The following KDELR3 variants were observed in gnomAD, a reference collection of about 807,000 sequenced individuals.
KDELR3 encodes the protein KDEL endoplasmic reticulum protein retention receptor 3.
KDELR3 carries 26 observed loss-of-function variants against 22.7 expected under a neutral mutation model. The ratio of observed to expected loss-of-function variants is 1.15; its 90% CI spans 0.84 to 1.59. The LOEUF is 1.59. Among genes scored for constraint, KDELR3 ranks in the 40% most tolerant of loss-of-function variants. The pLI is 0.00. For missense variants in KDELR3, 289 were observed against 251.1 expected (o/e 1.15, Z -1.02); for synonymous variants, 120 against 98.2 (o/e 1.22, Z -1.31).
intron 3 of KDELR3, 116 bp from the exon 4 acceptor site, chr22:38,481,096 T>A (rs1294564750): frequency 4.4e-6 from 4 of 905,924 alleles, no homozygotes; most frequent in Non-Finnish European, 6.8e-6. Context: ...TATTGAGAAC[T>A]TTTTCCCTCC....
chr22:38,477,226 GAC>G (rs947026356), intron 2 of KDELR3, among the ~76,000 whole-genome samples: 54 of 141,748 alleles, frequency 3.8e-4, no homozygotes, highest in African/African-American at 1.4e-3. Context: ...TTTATTTTGA[GAC>G]AGTCTCCCTC....
At chr22:38,475,079 C>CA (rs1018109138) in intron 2 of KDELR3, among the ~76,000 whole-genome samples, 636 of 20,354 alleles carry the variant, frequency 0.031, 89 homozygotes, top group Non-Finnish European at 0.04. Context: ...GACTCTGTCT[C>CA]AAAAAAAAAA....
At chr22:38,477,345 CAGG>C (rs1453010366) in intron 2 of KDELR3, among the ~76,000 whole-genome samples, 3 of 151,880 alleles carry the variant, frequency 2.0e-5, no homozygotes, top group Admixed American at 1.3e-4. Flanking sequence ...GCTGGGATTA[CAGG>C]TGCACACCAC....
intron 4 of KDELR3, chr22:38,481,710 G>C: frequency 7.8e-7 from 1 of 1,283,952 alleles, no homozygotes; most frequent in Non-Finnish European, 1.0e-6. Context: ...TTGGTTAGTA[G>C]TGAAAAACAT....
rs756878248 is a variant in KDELR3, at chr22:38,479,770, T to C, written c.351+19T>C. The C allele has an allele frequency of 5.0e-6, 8 of 1,612,510 alleles. No individual in the cohort carries two copies. Among genetic ancestry groups the C allele is most frequent in the Non-Finnish European group, 6.8e-6 (8 of 1,178,726 alleles). ...GCTGGAGGTAAGGGAATGGACTGAG[T>C]ACCAGTTCTCAAAGGGAAATATGCT... On this transcript the variant is annotated intron_variant, in intron 3 of 4. Transcript: ENST00000216014.
rs2089501886 is a variant in KDELR3, at chr22:38,468,467, C to G, written c.91+143C>G. On this transcript the variant is annotated intron_variant, in intron 1 of 4. Transcript: ENST00000216014. Reference sequence around the variant, plus strand: ...CTTGAAACTTTGCGGAGCTCCACTTCCAAAAACAATGTAAAGTTGTATAAA... The same window carrying G: ...CTTGAAACTTTGCGGAGCTCCACTTGCAAAAACAATGTAAAGTTGTATAAA... 6.3e-6 allele frequency: 4 copies of G among 635,184 alleles called. No homozygotes were observed. The African/African-American group carries it at 7.3e-5, about 12-fold the overall frequency. The allele number at this position is 635,184 out of a possible 1,614,324, so 39.3% of individuals were successfully genotyped here.
intron 2 of KDELR3, among the ~76,000 whole-genome samples, 171 bp downstream of exon 2, chr22:38,474,794 C>T (rs978646082): frequency 6.6e-6 from 1 of 151,990 alleles, no homozygotes; most frequent in Non-Finnish European, 1.5e-5. Context: ...TGTCAGTGTC[C>T]TCGTGCAAAA....
At chr22:38,476,891 C>T (rs368102666) in intron 2 of KDELR3, among the ~76,000 whole-genome samples, 3,364 of 6,890 alleles carry the variant, frequency 0.49, 60 homozygotes, top group Middle Eastern at 0.54. Context: ...ACTGCAGTCT[C>T]TGCTCCCGGG....
In KDELR3 at chr22:38,468,245, C is replaced by A; in HGVS notation, c.12C>A (p.Phe4Leu). 1 of 1,613,818 alleles carries A rather than the reference C, an allele frequency of 6.2e-7. No homozygotes were observed. Among genetic ancestry groups the A allele is most frequent in the Non-Finnish European group, 8.5e-7 (1 of 1,179,934 alleles). The change falls in exon 1 of 5, where the codon TTC becomes TTA. Residue 4 changes from phenylalanine (F) to leucine (L), a missense_variant. Physicochemically the swap from Phe to Leu is conservative, Grantham distance 22. Transcript: ENST00000216014. MNV[F>L]RILGDLSHLL... is the part of the protein sequence containing the mutation. ...TGACTGGCTGGACCATGAACGTGTT[C>A]CGAATCCTCGGCGACCTGAGCCACC...
chr22:38,482,821 T>G lies in KDELR3; in HGVS notation c.*285T>G. On this transcript the variant is annotated 3_prime_UTR_variant, in exon 5 of 5. Transcript: ENST00000216014. Reference sequence around the variant, plus strand: ...TGTCTTACCGACGAAATAAAAAACATAAATGATTGTTCTCCAAGGCCTGAG... The same window carrying G: ...TGTCTTACCGACGAAATAAAAAACAGAAATGATTGTTCTCCAAGGCCTGAG... The G allele has an allele frequency of 2.3e-6, 1 of 428,884 alleles. No individual in the cohort carries two copies. Among genetic ancestry groups the G allele is most frequent in the Non-Finnish European group, 4.2e-6 (1 of 240,924 alleles). 26.6% of individuals were successfully genotyped at this position (428,884 alleles called of 1,614,324 possible). A position where few individuals can be genotyped will look rare whatever the true frequency, so the allele number is the denominator to read the frequency against.
chr22:38,472,885 A>G (rs951834576), intron 1 of KDELR3, among the ~76,000 whole-genome samples: 1 of 151,906 alleles, frequency 6.6e-6, no homozygotes, highest in African/African-American at 2.4e-5. Flanking sequence ...TTTTTAGTGG[A>G]GATGGGGTTT....
Position 38,481,397 on chromosome 22 carries a change from T to C in KDELR3, c.537T>C (p.Ile179=), listed in dbSNP as rs938645849. The C allele has an allele frequency of 6.2e-7, 1 of 1,614,226 alleles. No homozygotes were observed. Among genetic ancestry groups the C allele is most frequent in the East Asian group, 2.2e-5 (1 of 44,888 alleles). ...AGACTGAGAATTTCTATGACCAAAT[T>C]GCAGTCGTGTCTGGAGTAGTACAAA... The part of the protein sequence containing the change: ...RYQTENFYDQ[I]AVVSGVVQTI... Residue 179 remains isoleucine, a synonymous_variant, in exon 4 of 5, where the codon ATT becomes ATC. Transcript: ENST00000216014.
In KDELR3 at chr22:38,472,983, AGCCACCGCCCCCGGCCCAAATAC is replaced by A. The variant is rs2089534457; in HGVS notation, c.92-1538_92-1516del. ...CCCAAAGTGTTGGATTACAGGCATGAGCCACCGCCCCCGGCCCAAATACGATGTTAACACTAGATATAGCTGGA... is the reference window on the plus strand; with the variant it reads ...CCCAAAGTGTTGGATTACAGGCATGAGATGTTAACACTAGATATAGCTGGA... On this transcript the variant is annotated intron_variant, in intron 1 of 4. Coordinates refer to ENST00000216014, the MANE Select transcript of KDELR3 (RefSeq NM_006855.4). Among the ~76,000 whole-genome samples, 3 of 152,272 alleles carry A rather than the reference AGCCACCGCCCCCGGCCCAAATAC, an allele frequency of 2.0e-5. 1 individual carries two copies. The South Asian group carries it at 6.2e-4, about 32-fold the overall frequency.
chr22:38,476,384 TAA>T (rs2089557865), intron 2 of KDELR3, among the ~76,000 whole-genome samples: 1 of 151,802 alleles, frequency 6.6e-6, no homozygotes, highest in Admixed American at 6.6e-5. Flanking sequence ...TGCGCCCAGC[TAA>T]GTTTTGTATT....
At chr22:38,475,079 CAAAAA>C (rs1018109138) in intron 2 of KDELR3, among the ~76,000 whole-genome samples, 1 of 20,458 alleles carries the variant, frequency 4.9e-5, no homozygotes, top group Non-Finnish European at 1.3e-4. Context: ...GACTCTGTCT[CAAAAA>C]AAAAAAAAAA....
intron 1 of KDELR3, among the ~76,000 whole-genome samples, chr22:38,472,906 G>A (rs1290773857): frequency 1.3e-5 from 2 of 151,936 alleles, no homozygotes; most frequent in Non-Finnish European, 2.9e-5. Flanking sequence ...CTCCAAGTTG[G>A]TCAGGCTTGG....
chr22:38,470,374 C>A (rs1167686454), intron 1 of KDELR3, among the ~76,000 whole-genome samples: 1 of 152,044 alleles, frequency 6.6e-6, no homozygotes, highest in East Asian at 1.9e-4. Context: ...CAGGTGTGAG[C>A]CACCATGCCC....
intron 2 of KDELR3, among the ~76,000 whole-genome samples, chr22:38,478,628 G>GGTTTTTTT (rs1569133063): frequency 1.2e-4 from 3 of 24,142 alleles, no homozygotes; most frequent in Non-Finnish European, 1.6e-4. Context: ...CAGCATCTGT[G>GGTTTTTTT]ATTTTTTTTT....
chr22:38,481,684 A>C lies in KDELR3; in HGVS notation c.604+220A>C, dbSNP rs146098701. ...TACTATGCAAGACAGCTGTGAGATG[A>C]CATTTGACAGAATACTTGGTTAGTA... On this transcript the variant is annotated intron_variant, in intron 4 of 4. Transcript: ENST00000216014. 1,718 of 1,367,482 alleles carry C rather than the reference A, an allele frequency of 1.3e-3. 27 individuals are homozygous for C. The African/African-American group carries it at 0.023, about 18-fold the overall frequency. 84.7% of individuals were successfully genotyped at this position (1,367,482 alleles called of 1,614,324 possible). A position where few individuals can be genotyped will look rare whatever the true frequency, so the allele number is the denominator to read the frequency against.
Sources: allele counts gnomAD v4.1 joint callset (sites outside exome capture counted in the v4.1 genomes callset), GRCh38; gene constraint gnomAD v4.1.1; transcripts MANE v1.5; gene names NCBI Gene and HGNC (gene_info 2026-07-23, HGNC 2026-07-21).